TRIM7: variants seen among roughly 807,000 people sequenced by gnomAD.
TRIM7 encodes tripartite motif containing 7.
TRIM7 carries 32 observed loss-of-function variants against 37.9 expected under a neutral mutation model. That is an observed-to-expected ratio of 0.84 (90% CI 0.64 to 1.13). TRIM7 has a LOEUF of 1.13. Among genes scored for constraint, TRIM7 ranks in the 50% most tolerant of loss-of-function variants. TRIM7 has a pLI of 0.00. For missense variants in TRIM7, 732 were observed against 714.0 expected, an observed-to-expected ratio of 1.03 and a Z score of -0.29; for synonymous variants, 351 against 321.3, an observed-to-expected ratio of 1.09 and a Z score of -0.99.
Position 181,195,464 on chromosome 5 carries a change from A to C in TRIM7, c.1238T>G (p.Val413Gly), listed in dbSNP as rs1353650094. ...VGSKDGWAFG[V>G]ARESVRRKGL... ...CTTTCGGCGCACGCTCTCGCGGGCC[A>C]CGCCAAAGGCCCAGCCGTCCTTAGA... Residue 413 changes from valine (V) to glycine (G), a missense_variant, in exon 7 of 7, where the codon GTG becomes GGG. Transcript: ENST00000274773. The C allele has an allele frequency of 1.2e-6, 2 of 1,611,938 alleles. No individual in the cohort carries two copies. The highest frequency in any genetic ancestry group is 1.7e-6 in the Non-Finnish European group (2 of 1,179,480).
At chr5:181,204,558 G>A (rs868209984) in intron 1 of TRIM7, 31 bp downstream of exon 1, 2 of 1,346,008 alleles carry the variant, frequency 1.5e-6, no homozygotes, top group Non-Finnish European at 1.9e-6. Context: ...GGGTCCCGGG[G>A]ACCCACGGGG....
At position 181,195,131 on chromosome 5, in the gene TRIM7, G is replaced by A; in HGVS notation, c.*35C>T. 1 of 1,554,658 alleles carries A rather than the reference G, an allele frequency of 6.4e-7. No homozygotes were observed. The highest frequency in any genetic ancestry group is 8.7e-7 in the Non-Finnish European group (1 of 1,147,412). On this transcript the variant is annotated 3_prime_UTR_variant, in exon 7 of 7. Coordinates refer to ENST00000274773, the MANE Select transcript of TRIM7 (RefSeq NM_203293.3). ...GGGGAGGCGACATCCCCTCCCACCGGCAGCCCAGAGACAGGAGCTCCCCAG... is the reference window on the plus strand; with the variant it reads ...GGGGAGGCGACATCCCCTCCCACCGACAGCCCAGAGACAGGAGCTCCCCAG...
At position 181,203,537 on chromosome 5, in the gene TRIM7, T is replaced by A; in HGVS notation, c.618+8A>T. 2 of 1,614,178 alleles carry A rather than the reference T, an allele frequency of 1.2e-6. No homozygotes were observed. The highest frequency in any genetic ancestry group is 1.6e-4 in the Middle Eastern group (1 of 6,062). The stretch of plus-strand genomic sequence containing the variant: ...GTCCCACGGGGGGCCTGCGGGTGCC[T>A]GGCTCACCAGCAGCTCCTTGCTCTC... On this transcript the variant is annotated splice_region_variant and intron_variant, in intron 2 of 6. Transcript: ENST00000274773.
chr5:181,203,390 T>A, intron 2 of TRIM7, 155 bp downstream of exon 2: 1 of 1,469,112 alleles, frequency 6.8e-7, no homozygotes, highest in Non-Finnish European at 9.0e-7. Flanking sequence ...ACAACAATTA[T>A]GTGGACACCC....
In TRIM7 at chr5:181,195,829, C is replaced by T. The variant is rs987280729; in HGVS notation, c.1025-152G>A. On this transcript the variant is annotated intron_variant, in intron 6 of 6. Coordinates refer to ENST00000274773, the MANE Select transcript of TRIM7 (RefSeq NM_203293.3). ...CGCCAAGGCCCAACCAACCCCCACG[C>T]TCTGCCTCCCAGAGATTTTGCTTCC... is the stretch of plus-strand genomic sequence containing the variant. 1.7e-5 allele frequency: 16 copies of T among 949,694 alleles called. No homozygotes were observed. In the African/African-American group the frequency reaches 2.2e-4, roughly 13 times the overall value. 58.8% of individuals were successfully genotyped at this position (949,694 alleles called of 1,614,324 possible).
At chr5:181,204,491 C>A in intron 1 of TRIM7, 98 bp downstream of exon 1, 1 of 1,243,302 alleles carries the variant, frequency 8.0e-7, no homozygotes, top group Non-Finnish European at 1.0e-6. Context: ...ACCCGGGCCT[C>A]CTGATCGACA....
At position 181,195,558 on chromosome 5, in the gene TRIM7, T is replaced by G. The variant is rs1399946878; in HGVS notation, c.1144A>C (p.Thr382Pro). 6.2e-7 allele frequency: 1 copy of G among 1,610,684 alleles called. No homozygotes were observed. Among genetic ancestry groups the G allele is most frequent in the Non-Finnish European group, 8.5e-7 (1 of 1,177,866 alleles). Reference protein sequence around the residue: ...DLPNHPCRFDTNTRVLASCGF... With the variant: ...DLPNHPCRFDPNTRVLASCGF... ...CAGGACGCCAGGACGCGGGTGTTGG[T>G]GTCGAAGCGGCAGGGGTGGTTGGGC... The change falls in exon 7 of 7, where the codon ACC (threonine) becomes CCC (proline). Residue 382 changes from threonine (T) to proline (P), a missense_variant. Thr to Pro is a conservative substitution (Grantham distance 38, BLOSUM62 -1). Coordinates refer to ENST00000274773, the MANE Select transcript of TRIM7 (RefSeq NM_203293.3).
chr5:181,200,413 A>G, intron 2 of TRIM7: 2 of 1,342,834 alleles, frequency 1.5e-6, no homozygotes, highest in South Asian at 3.8e-5. Flanking sequence ...GAAGGGATAA[A>G]TTAGTGCCTC....
intron 2 of TRIM7, 149 bp downstream of exon 2, chr5:181,203,396 C>T: frequency 6.8e-7 from 1 of 1,471,510 alleles, no homozygotes; most frequent in South Asian, 1.5e-5. Context: ...ATTATGTGGA[C>T]ACCCTATATA....
intron 1 of TRIM7, 140 bp from the exon 2 acceptor site, chr5:181,203,780 C>T: frequency 2.1e-6 from 3 of 1,437,482 alleles, no homozygotes; most frequent in Non-Finnish European, 1.8e-6. Flanking sequence ...TCTCTACAGG[C>T]TACAGGTTAC....
At chr5:181,199,519 T>C (rs1182784190) in intron 3 of TRIM7, 2 of 466,322 alleles carry the variant, frequency 4.3e-6, no homozygotes, top group Admixed American at 4.0e-5. Context: ...ATTGTGAAGT[T>C]TATCTAGTTG....
intron 6 of TRIM7, chr5:181,197,075 C>T (rs1315056365): frequency 6.6e-6 from 1 of 151,608 alleles, no homozygotes; most frequent in African/African-American, 2.4e-5. Flanking sequence ...GAGAGAGGAT[C>T]GCTTGAGCTT....
Position 181,195,425 on chromosome 5 carries a change from A to G in TRIM7, c.1277T>C (p.Phe426Ser). The change falls in exon 7 of 7, where the codon TTC (phenylalanine) becomes TCC (serine). Residue 426 changes from phenylalanine to serine, a missense_variant. Transcript: ENST00000274773. ...ESVRRKGLTP[F>S]TPEEGVWALQ... The stretch of plus-strand genomic sequence containing the variant: ...GGCCCAGACGCCCTCCTCGGGAGTG[A>G]AGGGCGTCAGGCCCTTTCGGCGCAC... 6.2e-7 allele frequency: 1 copy of G among 1,603,524 alleles called. No individual in the cohort carries two copies.
In TRIM7 at chr5:181,199,103, C is replaced by T. The variant is rs764465044; in HGVS notation, c.864G>A (p.Thr288=). ...GCTGTGAGGTCACTCACCTGCTCAG[C>T]GTGCTTTTGAATTCCTGGAAGGAAA... ...DLDFLQEFKS[T]LSRCSNVPGP... Residue 288 remains threonine (T), a synonymous_variant, in exon 4 of 7, where the codon ACG becomes ACA. Transcript: ENST00000274773. 11 of 1,614,072 alleles carry T rather than the reference C, an allele frequency of 6.8e-6. No homozygotes were observed. Among genetic ancestry groups the T allele is most frequent in the South Asian group, 5.5e-5 (5 of 91,084 alleles).
At chr5:181,196,750 G>C (rs1048471593) in intron 6 of TRIM7, 4 of 152,242 alleles carry the variant, frequency 2.6e-5, no homozygotes, top group Non-Finnish European at 4.4e-5. Flanking sequence ...GAAGTGGATA[G>C]CAGTGTCTAT....
In TRIM7 at chr5:181,205,089, T is replaced by C; in HGVS notation, c.22A>G (p.Thr8Ala). The C allele has an allele frequency of 7.4e-7, 1 of 1,348,880 alleles. No individual in the cohort carries two copies. Among genetic ancestry groups the C allele is most frequent in the Non-Finnish European group, 9.5e-7 (1 of 1,053,010 alleles). The allele number at this position is 1,348,880 out of a possible 1,614,324, so 83.6% of individuals were successfully genotyped here. A position where few individuals can be genotyped will look rare whatever the true frequency, so the allele number is the denominator to read the frequency against. MAAVGPR[T>A]GPGTGAEALA... The stretch of plus-strand genomic sequence containing the variant: ...GCCTCGGCGCCGGTTCCGGGGCCGG[T>C]CCGCGGTCCCACAGCCGCCATGCGC... The change falls in exon 1 of 7, where the codon ACC (threonine) becomes GCC (alanine). Residue 8 changes from threonine (T) to alanine (A), a missense_variant. Thr to Ala is a moderately conservative substitution (Grantham distance 58, BLOSUM62 0). Coordinates refer to ENST00000274773, the MANE Select transcript of TRIM7 (RefSeq NM_203293.3).
chr5:181,203,802 ACTCTGAAGGT>A lies in TRIM7; in HGVS notation c.523-172_523-163del, dbSNP rs1284612405. ...AGGCTACAGGTTACACTGCGAGGTGACTCTGAAGGTCTCGGGATCTTGCTTCCCCAAAAGC... is the reference window on the plus strand; with the variant it reads ...AGGCTACAGGTTACACTGCGAGGTGACTCGGGATCTTGCTTCCCCAAAAGC... On this transcript the variant is annotated intron_variant, in intron 1 of 6. Transcript: ENST00000274773. The A allele has an allele frequency of 9.5e-6, 13 of 1,371,342 alleles. No individual in the cohort carries two copies. In the African/African-American group the frequency reaches 1.9e-4, roughly 20 times the overall value. 84.9% of individuals were successfully genotyped at this position (1,371,342 alleles called of 1,614,324 possible).
At position 181,195,032 on chromosome 5, in the gene TRIM7, G is replaced by A; in HGVS notation, c.*134C>T. ...AGTCACTCTCCTGCCTCGGGGTTGT[G>A]TCTGTAGCAGGCTCTCTTGGGCAGC... On this transcript the variant is annotated 3_prime_UTR_variant, in exon 7 of 7. Coordinates refer to ENST00000274773, the MANE Select transcript of TRIM7 (RefSeq NM_203293.3). The A allele has an allele frequency of 8.7e-7, 1 of 1,155,254 alleles. No homozygotes were observed. Among genetic ancestry groups the A allele is most frequent in the Non-Finnish European group, 1.2e-6 (1 of 824,752 alleles). 71.6% of individuals were successfully genotyped at this position (1,155,254 alleles called of 1,614,324 possible). A position where few individuals can be genotyped will look rare whatever the true frequency, so the allele number is the denominator to read the frequency against.
chr5:181,200,273 A>C lies in TRIM7; in HGVS notation c.619-192T>G, dbSNP rs534366048. On this transcript the variant is annotated intron_variant, in intron 2 of 6. Coordinates refer to ENST00000274773, the MANE Select transcript of TRIM7 (RefSeq NM_203293.3). Reference sequence around the variant, plus strand: ...TCTGAACAAGCTGTAGTCTGGACACATGCTCTTTTCTCCCCTGCCACAGAT... The same window carrying C: ...TCTGAACAAGCTGTAGTCTGGACACCTGCTCTTTTCTCCCCTGCCACAGAT... 88 of 1,453,488 alleles carry C rather than the reference A, an allele frequency of 6.1e-5. No homozygotes were observed. The African/African-American group carries it at 7.4e-4, about 12-fold the overall frequency. 90.0% of individuals were successfully genotyped at this position (1,453,488 alleles called of 1,614,324 possible).
Sources: allele counts gnomAD v4.1 joint callset, GRCh38; gene constraint gnomAD v4.1.1; transcripts MANE v1.5; gene names NCBI Gene and HGNC (gene_info 2026-07-23, HGNC 2026-07-21).